DAB1: variants seen among roughly 807,000 people sequenced by gnomAD.
DAB1 encodes the protein DAB adaptor protein 1, also known as disabled homolog 1.
Under a neutral mutation model 64.6 loss-of-function variants are expected in DAB1, and 15 were observed. That is an observed-to-expected ratio of 0.23 (90% CI 0.16 to 0.36). DAB1 has a LOEUF of 0.36. DAB1 is among the 10% of genes least tolerant of loss of function. DAB1 has a pLI of 1.00. For missense variants in DAB1, 596 were observed against 706.7 expected (o/e 0.84, Z 1.78); for synonymous variants, 235 against 251.9 (o/e 0.93, Z 0.64).
chr1:57,950,044 C>A (rs898312028), intron 5 of DAB1, among the ~76,000 whole-genome samples: 1 of 152,148 alleles, frequency 6.6e-6, no homozygotes, highest in Non-Finnish European at 1.5e-5. Context: ...TAAACCTCTT[C>A]CTTGCAAGAC....
At chr1:57,434,724 C>G (rs991927360) in intron 7 of DAB1, among the ~76,000 whole-genome samples, 8 of 152,132 alleles carry the variant, frequency 5.3e-5, no homozygotes, top group African/African-American at 1.9e-4. Context: ...CTTATTGATT[C>G]TAGGCTACAA....
At chr1:58,512,554 A>T (rs1206568774) in intron 2 of DAB1, among the ~76,000 whole-genome samples, 1 of 152,216 alleles carries the variant, frequency 6.6e-6, no homozygotes, top group African/African-American at 2.4e-5. Context: ...ATACATCAAA[A>T]TATTATTTGG....
chr1:58,308,007 A>G (rs754180959), intron 4 of DAB1, among the ~76,000 whole-genome samples: 30 of 152,052 alleles, frequency 2.0e-4, no homozygotes, highest in Admixed American at 1.5e-3. Context: ...GAACATGAGA[A>G]ATTTACCCCC....
chr1:57,920,747 T>C (rs1047915184), intron 5 of DAB1, among the ~76,000 whole-genome samples: 1 of 152,224 alleles, frequency 6.6e-6, no homozygotes, highest in Non-Finnish European at 1.5e-5. Flanking sequence ...GGCATTTTGG[T>C]ATTTATAAAG....
intron 6 of DAB1, among the ~76,000 whole-genome samples, chr1:57,733,516 A>C (rs1647536277): frequency 6.6e-6 from 1 of 151,924 alleles, no homozygotes. Context: ...TCTCATCTAA[A>C]CCTTCCAAGG....
intron 4 of DAB1, among the ~76,000 whole-genome samples, chr1:58,295,856 C>G (rs1007497197): frequency 6.6e-6 from 1 of 151,464 alleles, no homozygotes; most frequent in African/African-American, 2.4e-5. Flanking sequence ...TTTGGGAGGT[C>G]AAGGTGGGTG....
intron 2 of DAB1, among the ~76,000 whole-genome samples, chr1:57,174,895 A>ATACCTACTAT (rs1662137930): frequency 6.6e-6 from 1 of 152,182 alleles, no homozygotes; most frequent in African/African-American, 2.4e-5. Context: ...GTTGTAAGTC[A>ATACCTACTAT]GGGAAACATG....
chr1:57,713,467 T>C (rs1301522588), intron 6 of DAB1, among the ~76,000 whole-genome samples: 1 of 152,172 alleles, frequency 6.6e-6, no homozygotes, highest in African/African-American at 2.4e-5. Flanking sequence ...AATTGATCCA[T>C]GATTTCCAAA....
chr1:57,547,396 T>C (rs1485093250), intron 7 of DAB1, among the ~76,000 whole-genome samples: 1 of 152,250 alleles, frequency 6.6e-6, no homozygotes, highest in Non-Finnish European at 1.5e-5. Context: ...AATTGAGATA[T>C]TTAATTCTTC....
chr1:57,462,149 A>G (rs569861708), intron 7 of DAB1, among the ~76,000 whole-genome samples: 15 of 151,824 alleles, frequency 9.9e-5, no homozygotes, highest in Non-Finnish European at 2.1e-4. Flanking sequence ...GGGTTTCACC[A>G]TGCTGGCCAG....
intron 6 of DAB1, among the ~76,000 whole-genome samples, chr1:57,812,164 G>A (rs144268828): frequency 2.0e-5 from 3 of 151,954 alleles, no homozygotes; most frequent in African/African-American, 4.8e-5. Flanking sequence ...CATGGAGAAG[G>A]TGCCAGTATA....
At chr1:57,200,756 T>C (rs911243852) in intron 2 of DAB1, among the ~76,000 whole-genome samples, 1 of 152,200 alleles carries the variant, frequency 6.6e-6, no homozygotes, top group Admixed American at 6.5e-5. Flanking sequence ...AAGATGAGGA[T>C]CAATAAATTG....
In DAB1 at chr1:57,952,922, T is replaced by C. The variant is rs147534756; in HGVS notation, n.388-68760A>G. On this transcript the variant is annotated intron_variant and non_coding_transcript_variant, in intron 5 of 20. Coordinates refer to the DAB1 transcript ENST00000485760. ...TGAATAGCCCTTTGCAAGCTCTGAC[T>C]TGCACCGATCATAATCACTTTTCCC... Among the ~76,000 whole-genome samples the C allele has an allele frequency of 5.7e-3, 864 of 152,294 alleles. 7 individuals carry two copies. The highest frequency in any genetic ancestry group is 0.037 in the Middle Eastern group (11 of 294).
intron 3 of DAB1, among the ~76,000 whole-genome samples, chr1:58,481,937 C>T (rs1362646269): frequency 6.6e-6 from 1 of 152,170 alleles, no homozygotes. Flanking sequence ...TCATAAATTA[C>T]CTAGTCTCAG....
Position 58,300,544 on chromosome 1 carries a change from AAAAGAAAGAAAG to A in DAB1, n.309+42796_309+42807del, listed in dbSNP as rs71043285. ...CCTGGGCAACAAAAGTGAAACTCTG[AAAAGAAAGAAAG>A]AAAGAAAGAAAGAAAGAAAGAAAGA... On this transcript the variant is annotated intron_variant and non_coding_transcript_variant, in intron 4 of 20. Transcript: ENST00000485760. Among the ~76,000 whole-genome samples the A allele has an allele frequency of 6.1e-4, 62 of 101,170 alleles. 2 individuals are homozygous for A. The highest frequency in any genetic ancestry group is 1.0e-3 in the East Asian group (4 of 3,822). The allele number at this position is 101,170 out of a possible 152,430, so 66.4% of individuals were successfully genotyped here.
At chr1:58,074,523 C>CATATATATATAT (rs1233352276) in intron 5 of DAB1, 20 of 84,156 alleles carry the variant, frequency 2.4e-4, no homozygotes, top group African/African-American at 9.1e-4. Flanking sequence ...AATATATATA[C>CATATATATATAT]ATATATATAT....
At chr1:57,956,423 C>T (rs1433474416) in intron 5 of DAB1, among the ~76,000 whole-genome samples, 1 of 152,132 alleles carries the variant, frequency 6.6e-6, no homozygotes, top group East Asian at 1.9e-4. Context: ...CCAAGGTGAG[C>T]CCACTGGGAG....
chr1:58,213,806 C>G (rs1163906856), intron 4 of DAB1, among the ~76,000 whole-genome samples: 1 of 152,138 alleles, frequency 6.6e-6, no homozygotes. Flanking sequence ...TACCTGTACT[C>G]CTCATTCAAC....
At chr1:57,353,114 TACAC>T (rs10572319) in intron 1 of DAB1, among the ~76,000 whole-genome samples, 14,442 of 145,388 alleles carry the variant, frequency 0.099, 716 homozygotes, top group Middle Eastern at 0.17. Flanking sequence ...TTTTTTTCCA[TACAC>T]ACACACACAC....
Sources: allele counts gnomAD v4.1 joint callset (sites outside exome capture counted in the v4.1 genomes callset), GRCh38; gene constraint gnomAD v4.1.1; transcripts MANE v1.5; gene names NCBI Gene and HGNC (gene_info 2026-07-23, HGNC 2026-07-21).